MTPN: variants seen among roughly 807,000 people sequenced by gnomAD.
MTPN encodes granule cell differentiation protein.
A neutral mutation model predicts 13.5 loss-of-function variants in MTPN; 2 were observed. The observed-to-expected ratio is 0.15, with a 90% CI of 0.06 to 0.47. The LOEUF (loss-of-function observed/expected upper bound fraction) is 0.47, where lower values mean the gene tolerates loss of function less well. Ranked by LOEUF, MTPN falls within the 20% of genes least tolerant of loss-of-function variation. MTPN has a pLI of 0.97. For missense variants in MTPN, 79 were observed against 137.9 expected (o/e 0.57, Z 2.14); for synonymous variants, 46 against 51.7 (o/e 0.89, Z 0.48).
rs1221006491 is a variant in MTPN at position 135,927,847 on chromosome 7, T to G, written c.*2079A>C. On this transcript the variant is annotated 3_prime_UTR_variant, in exon 4 of 4. Coordinates refer to ENST00000393085, the MANE Select transcript of MTPN (RefSeq NM_145808.4). ...AAAGAATCACATGGTTTCCATACCA[T>G]GAATGTAGAAAGCAGACCAGGTTTA... 2.6e-6 allele frequency: 1 copy of G among 379,348 alleles called. No individual in the cohort carries two copies. The highest frequency in any genetic ancestry group is 5.3e-6 in the Non-Finnish European group (1 of 190,064). The allele number at this position is 379,348 out of a possible 1,614,324, so 23.5% of individuals were successfully genotyped here. A position where few individuals can be genotyped will look rare whatever the true frequency, so the allele number is the denominator to read the frequency against.
At chr7:135,960,250 G>C (rs901004541) in intron 1 of MTPN, among the ~76,000 whole-genome samples, 6 of 152,014 alleles carry the variant, frequency 3.9e-5, no homozygotes, top group African/African-American at 1.4e-4. Context: ...AGATGTAAGG[G>C]GTCTAATCAA....
chr7:135,957,729 T>C (rs13224873), intron 1 of MTPN, among the ~76,000 whole-genome samples: 3,125 of 152,262 alleles, frequency 0.021, 39 homozygotes, highest in African/African-American at 0.038. Context: ...CTCTGAAGAA[T>C]AGATTAATGT....
chr7:135,956,343 T>G (rs1309457084), intron 1 of MTPN, among the ~76,000 whole-genome samples: 1 of 152,212 alleles, frequency 6.6e-6, no homozygotes, highest in East Asian at 1.9e-4. Flanking sequence ...CATTACCAGT[T>G]ACAGAAAAAA....
intron 1 of MTPN, among the ~76,000 whole-genome samples, chr7:135,972,832 T>C (rs1799716408): frequency 6.6e-6 from 1 of 151,746 alleles, no homozygotes; most frequent in South Asian, 2.1e-4. Context: ...TATGGTGTTT[T>C]TCTGTTAGAG....
At chr7:135,950,706 A>C in intron 2 of MTPN, 24 bp from the exon 3 acceptor site, 2 of 1,522,738 alleles carry the variant, frequency 1.3e-6, no homozygotes, top group Non-Finnish European at 1.8e-6. Context: ...AACAGAGATA[A>C]CTTTATCTGT....
chr7:135,931,557 A>C (rs1045517622), intron 3 of MTPN, among the ~76,000 whole-genome samples: 3 of 152,200 alleles, frequency 2.0e-5, no homozygotes, highest in African/African-American at 7.2e-5. Flanking sequence ...ATTCAGGGTC[A>C]AGTGGGAGAG....
At chr7:135,957,681 G>A (rs992668642) in intron 1 of MTPN, among the ~76,000 whole-genome samples, 4 of 152,074 alleles carry the variant, frequency 2.6e-5, no homozygotes, top group African/African-American at 7.2e-5. Context: ...TTAGAGGTGC[G>A]GGCCTAAAGA....
In MTPN at chr7:135,939,387, T is replaced by C. The variant is rs1310636737; in HGVS notation, c.271-9375A>G. Among the ~76,000 whole-genome samples the C allele has an allele frequency of 2.6e-5, 4 of 152,136 alleles. No homozygotes were observed. The East Asian group carries it at 7.7e-4, about 29-fold the overall frequency. Reference sequence around the variant, plus strand: ...TCTGACACAACCCACTTCCAACCCGTTCTTCTTTGCTTTCCTCTACTACAG... The same window carrying C: ...TCTGACACAACCCACTTCCAACCCGCTCTTCTTTGCTTTCCTCTACTACAG... On this transcript the variant is annotated intron_variant, in intron 3 of 3. Coordinates refer to ENST00000393085, the MANE Select transcript of MTPN (RefSeq NM_145808.4).
chr7:135,970,540 A>C (rs1418111271), intron 1 of MTPN, among the ~76,000 whole-genome samples: 1 of 152,194 alleles, frequency 6.6e-6, no homozygotes, highest in Non-Finnish European at 1.5e-5. Flanking sequence ...AAAATAGTCA[A>C]TGGGATATTT....
intron 3 of MTPN, among the ~76,000 whole-genome samples, chr7:135,947,743 T>C (rs1163925004): frequency 6.6e-6 from 1 of 152,154 alleles, no homozygotes; most frequent in African/African-American, 2.4e-5. Context: ...TGTATTTGAC[T>C]TTCAAGCAGT....
At chr7:135,938,642 A>C (rs1437151936) in intron 3 of MTPN, among the ~76,000 whole-genome samples, 1 of 152,222 alleles carries the variant, frequency 6.6e-6, no homozygotes, top group Admixed American at 6.5e-5. Context: ...TCACTCAGAA[A>C]TTTTTATTTC....
At chr7:135,934,097 A>C (rs1413094413) in intron 3 of MTPN, among the ~76,000 whole-genome samples, 1 of 152,182 alleles carries the variant, frequency 6.6e-6, no homozygotes, top group Non-Finnish European at 1.5e-5. Flanking sequence ...TTCTCTTCAT[A>C]AATCACTCAG....
chr7:135,939,717 C>T (rs1343159408), intron 3 of MTPN, among the ~76,000 whole-genome samples: 1 of 151,954 alleles, frequency 6.6e-6, no homozygotes, highest in Non-Finnish European at 1.5e-5. Flanking sequence ...TTTTGTTACT[C>T]ATGGCTAAAC....
chr7:135,958,372 T>C (rs565714542), intron 1 of MTPN, among the ~76,000 whole-genome samples: 1 of 152,344 alleles, frequency 6.6e-6, no homozygotes, highest in South Asian at 2.1e-4. Context: ...GTGCAACCTG[T>C]TGCCTACCAA....
chr7:135,957,213 G>A (rs1388727157), intron 1 of MTPN, among the ~76,000 whole-genome samples: 1 of 152,082 alleles, frequency 6.6e-6, no homozygotes, highest in Non-Finnish European at 1.5e-5. Context: ...ACATACATAT[G>A]AAACACTACT....
In MTPN at chr7:135,964,896, A is replaced by G. The variant is rs190133367; in HGVS notation, c.72+12133T>C. ...AGACAAAGTAGTTTTACTAACTTCAATGTTATGTAGAGATGTGCAAACTAC... is the reference window on the plus strand; with the variant it reads ...AGACAAAGTAGTTTTACTAACTTCAGTGTTATGTAGAGATGTGCAAACTAC... On this transcript the variant is annotated intron_variant, in intron 1 of 3. Transcript: ENST00000393085. 7.2e-5 allele frequency among the ~76,000 whole-genome samples: 11 copies of G among 152,244 alleles called. No homozygotes were observed. The East Asian group carries it at 2.1e-3, about 29-fold the overall frequency.
chr7:135,931,218 TAAGAC>T (rs1035254685), intron 3 of MTPN, among the ~76,000 whole-genome samples: 4 of 151,968 alleles, frequency 2.6e-5, no homozygotes, highest in African/African-American at 4.8e-5. Context: ...CAAAGAAAAA[TAAGAC>T]AAGAGTCTGC....
In MTPN at chr7:135,928,234, G is replaced by T. The variant is rs1420572230; in HGVS notation, c.*1692C>A. 2 of 167,340 alleles carry T rather than the reference G, an allele frequency of 1.2e-5. No individual in the cohort carries two copies. Among genetic ancestry groups the T allele is most frequent in the African/African-American group, 4.8e-5 (2 of 41,380 alleles). The allele number at this position is 167,340 out of a possible 1,614,324, so 10.4% of individuals were successfully genotyped here. ...TTCTTGGATGTAGGAAAATTACAGG[G>T]TTAGGCTAGTTGTAAGTGAAAAAGC... On this transcript the variant is annotated 3_prime_UTR_variant, in exon 4 of 4. Transcript: ENST00000393085.
intron 1 of MTPN, among the ~76,000 whole-genome samples, chr7:135,969,258 A>G (rs1446959665): frequency 6.6e-6 from 1 of 151,218 alleles, no homozygotes; most frequent in East Asian, 1.9e-4. Context: ...AAAAAAGAAA[A>G]AAAAAAGAAT....
Sources: allele counts gnomAD v4.1 joint callset (sites outside exome capture counted in the v4.1 genomes callset), GRCh38; gene constraint gnomAD v4.1.1; transcripts MANE v1.5; gene names NCBI Gene and HGNC (gene_info 2026-07-23, HGNC 2026-07-21).